Variants in SLIT3 observed in about 807,000 individuals in gnomAD.
SLIT3 encodes slit guidance ligand 3, also known as slit homolog 3 protein.
Under a neutral mutation model 184.0 loss-of-function variants are expected in SLIT3, and 68 were observed. The ratio of observed to expected loss-of-function variants is 0.37; its 90% CI spans 0.30 to 0.45. The LOEUF is 0.45. SLIT3 is among the 20% of genes least tolerant of loss of function. SLIT3 has a pLI of 1.00. For synonymous variants in SLIT3, 831 were observed against 828.6 expected, an observed-to-expected ratio of 1.00 and a Z score of -0.05; for missense variants, 1,707 against 2,026.0, an observed-to-expected ratio of 0.84 and a Z score of 3.02.
At chr5:169,179,786 C>A (rs1763098562) in intron 4 of SLIT3, among the ~76,000 whole-genome samples, 1 of 152,094 alleles carries the variant, frequency 6.6e-6, no homozygotes, top group South Asian at 2.1e-4. Flanking sequence ...CAAAAGGCAC[C>A]TTTGACCATA....
intron 16 of SLIT3, among the ~76,000 whole-genome samples, chr5:168,759,664 G>A (rs1242991692): frequency 7.2e-5 from 11 of 152,242 alleles, no homozygotes; most frequent in African/African-American, 2.4e-4. Context: ...GAACGTGGGT[G>A]TGGGTGACTC....
At chr5:168,792,570 G>A (rs186211638) in intron 10 of SLIT3, among the ~76,000 whole-genome samples, 4 of 152,320 alleles carry the variant, frequency 2.6e-5, no homozygotes, top group Admixed American at 2.0e-4. Flanking sequence ...TGCCTACAAA[G>A]GTCATGCAGG....
At chr5:168,863,042 A>G (rs1759169518) in intron 5 of SLIT3, among the ~76,000 whole-genome samples, 1 of 152,194 alleles carries the variant, frequency 6.6e-6, no homozygotes, top group Non-Finnish European at 1.5e-5. Flanking sequence ...GTGCAGACGG[A>G]GACGAATGCC....
At chr5:169,138,316 C>A (rs1761596991) in intron 4 of SLIT3, among the ~76,000 whole-genome samples, 1 of 152,200 alleles carries the variant, frequency 6.6e-6, no homozygotes, top group South Asian at 2.1e-4. Flanking sequence ...AGAGCGGAAG[C>A]CCTGCCCCCT....
intron 4 of SLIT3, among the ~76,000 whole-genome samples, chr5:168,959,321 C>G (rs531973923): frequency 2.6e-5 from 4 of 152,118 alleles, no homozygotes; most frequent in Admixed American, 6.6e-5. Flanking sequence ...AAAGTCTCTT[C>G]CAAGAATAAC....
chr5:168,888,642 T>C (rs1760318260), intron 4 of SLIT3, among the ~76,000 whole-genome samples: 1 of 152,122 alleles, frequency 6.6e-6, no homozygotes, highest in South Asian at 2.1e-4. Context: ...TCTGATGAGG[T>C]TTGCACTTCT....
At chr5:168,820,659 G>A (rs1282234204) in intron 7 of SLIT3, among the ~76,000 whole-genome samples, 1 of 152,218 alleles carries the variant, frequency 6.6e-6, no homozygotes, top group East Asian at 1.9e-4. Flanking sequence ...GAGGTGGCTA[G>A]GTGGGTCCTG....
intron 13 of SLIT3, 29 bp from the exon 14 acceptor site, chr5:168,772,973 G>A (rs767419677): frequency 3.2e-6 from 5 of 1,564,428 alleles, no homozygotes; most frequent in Middle Eastern, 3.5e-4. Context: ...CGTTAATCAG[G>A]AGTGACCCAC....
At chr5:168,718,722 AC>A in intron 23 of SLIT3, among the ~76,000 whole-genome samples, 2 of 138,708 alleles carry the variant, frequency 1.4e-5, no homozygotes, top group Non-Finnish European at 3.1e-5. Context: ...ACACACACAC[AC>A]ACACACATTC....
At chr5:168,805,960 G>C (rs1351894091) in intron 9 of SLIT3, among the ~76,000 whole-genome samples, 9 of 152,202 alleles carry the variant, frequency 5.9e-5, no homozygotes, top group Non-Finnish European at 1.2e-4. Context: ...AGAAAACAAA[G>C]GATGAAGGAG....
At chr5:168,847,388 A>C (rs1251255324) in intron 5 of SLIT3, among the ~76,000 whole-genome samples, 1 of 152,228 alleles carries the variant, frequency 6.6e-6, no homozygotes, top group Non-Finnish European at 1.5e-5. Context: ...AGCCATTCTC[A>C]AGACAAGATG....
At chr5:168,922,501 A>G (rs1477078007) in intron 4 of SLIT3, among the ~76,000 whole-genome samples, 3 of 151,294 alleles carry the variant, frequency 2.0e-5, no homozygotes, top group Non-Finnish European at 4.4e-5. Flanking sequence ...GAACCATAGC[A>G]AGTAAAAATC....
intron 4 of SLIT3, among the ~76,000 whole-genome samples, chr5:169,116,133 G>A (rs1760653807): frequency 6.6e-6 from 1 of 151,910 alleles, no homozygotes; most frequent in African/African-American, 2.4e-5. Context: ...ATTATTGCAG[G>A]GCAATAATTA....
chr5:168,905,295 A>T (rs1178917811), intron 4 of SLIT3, among the ~76,000 whole-genome samples: 1 of 152,206 alleles, frequency 6.6e-6, no homozygotes, highest in Non-Finnish European at 1.5e-5. Context: ...TTGCTGGCTG[A>T]TTGGGTGCAA....
At chr5:169,114,872 A>T (rs1039494511) in intron 4 of SLIT3, among the ~76,000 whole-genome samples, 11 of 152,256 alleles carry the variant, frequency 7.2e-5, no homozygotes, top group Non-Finnish European at 8.8e-5. Context: ...ACCCTTTAAA[A>T]GAACACGATG....
At chr5:168,764,772 T>C (rs1162388890) in intron 14 of SLIT3, among the ~76,000 whole-genome samples, 1 of 152,180 alleles carries the variant, frequency 6.6e-6, no homozygotes, top group African/African-American at 2.4e-5. Context: ...TAGGCTTGTG[T>C]GAGCAAACTC....
chr5:169,066,261 T>C (rs1016656421), intron 4 of SLIT3, among the ~76,000 whole-genome samples: 3 of 152,228 alleles, frequency 2.0e-5, no homozygotes, highest in African/African-American at 4.8e-5. Flanking sequence ...TATCTTCCCC[T>C]TTAGTATGAG....
At chr5:168,906,653 T>A (rs1012778040) in intron 4 of SLIT3, among the ~76,000 whole-genome samples, 1 of 152,126 alleles carries the variant, frequency 6.6e-6, no homozygotes, top group Non-Finnish European at 1.5e-5. Context: ...TATATATTTT[T>A]TTCCGAAATA....
At chr5:168,774,576 C>T (rs546971756) in intron 12 of SLIT3, among the ~76,000 whole-genome samples, 198 bp from the exon 13 acceptor site, 2 of 152,342 alleles carry the variant, frequency 1.3e-5, no homozygotes, top group South Asian at 2.1e-4. Context: ...GGCACCTGCA[C>T]ACACTGTCAC....
Sources: allele counts gnomAD v4.1 joint callset (sites outside exome capture counted in the v4.1 genomes callset), GRCh38; gene constraint gnomAD v4.1.1; transcripts MANE v1.5; gene names NCBI Gene and HGNC (gene_info 2026-07-23, HGNC 2026-07-21).